TRPM1: variants seen among roughly 807,000 people sequenced by gnomAD.
TRPM1 encodes transient receptor potential cation channel subfamily M member 1.
A neutral mutation model predicts 149.4 loss-of-function variants in TRPM1; 113 were observed. That is an observed-to-expected ratio of 0.76 (90% confidence interval 0.65 to 0.88). TRPM1 has a LOEUF of 0.88. Among genes scored for constraint, TRPM1 ranks in the 40% least tolerant of loss-of-function variants. The probability of loss-of-function intolerance (pLI) is 0.00; values close to 1 mark genes in which losing one functional copy is unlikely to be tolerated. For synonymous variants in TRPM1, 741 were observed against 759.5 expected, an observed-to-expected ratio of 0.98 and a Z score of 0.40; for missense variants, 1,976 against 2,038.7, an observed-to-expected ratio of 0.97 and a Z score of 0.59.
At position 31,032,811 on chromosome 15, in the gene TRPM1, G is replaced by A. The variant is rs1177536797; in HGVS notation, c.2830C>T (p.Pro944Ser). The A allele has an allele frequency of 6.2e-7, 1 of 1,614,180 alleles. No homozygotes were observed. Among genetic ancestry groups the A allele is most frequent in the Non-Finnish European group, 8.5e-7 (1 of 1,180,040 alleles). ...ATCACCCGGCCATAGCCCATGTAGG[G>A]CTGGTTCTGTAGGCGAAGAATTGCT... ...IGAILRLQNQ[P>S]YMGYGRVIYC... The change falls in exon 22 of 28, where the codon CCC (proline) becomes TCC (serine). Residue 944 changes from proline to serine, a missense_variant. This residue lies in a region of TRPM1 where 1,332 missense variants were observed against 1,347.1 expected (regional missense o/e 0.99). Transcript: ENST00000256552.
intron 1 of TRPM1, among the ~76,000 whole-genome samples, chr15:31,121,879 A>G (rs2035886242): frequency 6.6e-6 from 1 of 152,202 alleles, no homozygotes; most frequent in Non-Finnish European, 1.5e-5. Context: ...AAAAGAAACT[A>G]TAGCCAATAT....
At position 31,027,063 on chromosome 15, in the gene TRPM1, T is replaced by C. The variant is rs898280551; in HGVS notation, c.3348A>G (p.Arg1116=). Residue 1116 remains arginine (R), a synonymous_variant, in exon 26 of 28, where the codon CGA becomes CGG. Transcript: ENST00000256552. The stretch of plus-strand genomic sequence containing the variant: ...CATGAAATGTCATAATCAGCTGATA[T>C]CGCTGGAACTTCCACACCTGGTTGG... The part of the protein sequence containing the change: ...SISNQVWKFQ[R]YQLIMTFHDR... 3.7e-6 allele frequency: 6 copies of C among 1,614,102 alleles called. No individual in the cohort carries two copies. The African/African-American group carries it at 6.7e-5, about 18-fold the overall frequency.
In TRPM1 at chr15:31,031,079, G is replaced by T. The variant is rs2140909189; in HGVS notation, c.3031C>A (p.His1011Asn). The change falls in exon 23 of 28, where the codon CAT becomes AAT. Residue 1011 changes from histidine to asparagine, a missense_variant. His to Asn is a moderately conservative substitution (Grantham distance 68). Transcript: ENST00000256552. ...TTCCAAGAGGGCTTCTCCTCTGGATGCAGAATGGCTTGACGGGCTACTCCG... is the reference window on the plus strand; with the variant it reads ...TTCCAAGAGGGCTTCTCCTCTGGATTCAGAATGGCTTGACGGGCTACTCCG... The part of the protein sequence containing the change: ...SFGVARQAIL[H>N]PEEKPSWKLA... The T allele has an allele frequency of 6.2e-7, 1 of 1,614,182 alleles. No homozygotes were observed. Among genetic ancestry groups the T allele is most frequent in the Non-Finnish European group, 8.5e-7 (1 of 1,180,018 alleles).
rs200626726 is a variant in TRPM1, at chr15:31,001,919, T to G, written c.4781A>C (p.His1594Pro). The G allele has an allele frequency of 6.2e-7, 1 of 1,614,210 alleles. No homozygotes were observed. The highest frequency in any genetic ancestry group is 1.6e-4 in the Middle Eastern group (1 of 6,062). Residue 1594 changes from histidine (H) to proline (P), a missense_variant, in exon 28 of 28, where the codon CAT (histidine) becomes CCT (proline). By Grantham distance (77) the His-to-Pro change is moderately conservative (BLOSUM62 -2). Transcript: ENST00000256552. ...SIQGKLDRSG[H>P]ASSVSSLVIV... is the part of the protein sequence containing the mutation. ...TACTAAGCTGCTTACACTACTGGCA[T>G]GTCCAGATCTGTCTAACTTTCCCTG...
At chr15:31,084,676 CTTTTT>C (rs59470983) in intron 1 of TRPM1, among the ~76,000 whole-genome samples, 2 of 128,486 alleles carry the variant, frequency 1.6e-5, no homozygotes, top group African/African-American at 6.0e-5. Context: ...TTTTTCTTTT[CTTTTT>C]TTTTTTTTTT....
chr15:31,071,957 C>A (rs2034551395), intron 3 of TRPM1, among the ~76,000 whole-genome samples: 1 of 88,718 alleles, frequency 1.1e-5, no homozygotes, highest in African/African-American at 4.3e-5. Context: ...GAGTGAGACT[C>A]CGTCTCAAAA....
At chr15:31,026,094 G>C (rs765784319) in intron 27 of TRPM1, 45 bp downstream of exon 27, 14 of 1,606,516 alleles carry the variant, frequency 8.7e-6, no homozygotes, top group Non-Finnish European at 1.2e-5. Flanking sequence ...GCCCGAGTCA[G>C]CAAACCCTTG....
Position 31,099,937 on chromosome 15 carries a change from C to T in TRPM1, c.-84+1720G>A, listed in dbSNP as rs192024645. On this transcript the variant is annotated intron_variant, in intron 1 of 27. Coordinates refer to ENST00000256552, the MANE Select transcript of TRPM1 (RefSeq NM_001252024.2). ...GTGCACTCATAGAGAGGCAGGGCTC[C>T]GTTCTTAATTCCTCCCTAAATATCT... 2.8e-3 allele frequency among the ~76,000 whole-genome samples: 422 copies of T among 152,230 alleles called. 3 individuals are homozygous for T. Among genetic ancestry groups the T allele is most frequent in the African/African-American group, 9.8e-3 (407 of 41,548 alleles).
intron 1 of TRPM1, among the ~76,000 whole-genome samples, chr15:31,129,826 A>G (rs978544318): frequency 2.6e-5 from 4 of 152,218 alleles, no homozygotes; most frequent in African/African-American, 9.6e-5. Flanking sequence ...CCCACTGTGG[A>G]CCAATGGCCA....
At chr15:31,023,796 G>C (rs2032628319) in intron 27 of TRPM1, among the ~76,000 whole-genome samples, 1 of 152,194 alleles carries the variant, frequency 6.6e-6, no homozygotes, top group African/African-American at 2.4e-5. Context: ...TGGTAGGACT[G>C]ACCCAGTGTT....
At chr15:31,126,645 G>T (rs1265609144) in intron 1 of TRPM1, among the ~76,000 whole-genome samples, 1 of 152,156 alleles carries the variant, frequency 6.6e-6, no homozygotes, top group Non-Finnish European at 1.5e-5. Flanking sequence ...TTTGAGAAAT[G>T]GCTTGCTTTT....
chr15:31,126,979 C>CAAACAAACAAAT (rs2035959612), intron 1 of TRPM1, among the ~76,000 whole-genome samples: 1 of 151,942 alleles, frequency 6.6e-6, no homozygotes, highest in Non-Finnish European at 1.5e-5. Flanking sequence ...AACAAACAAA[C>CAAACAAACAAAT]AAACAAACAA....
In TRPM1 at chr15:31,092,061, C is replaced by T. The variant is rs576921911; in HGVS notation, c.-84+9596G>A. ...CCCCATAAAGTGGTCTAGGAGGGGC[C>T]GGGATGAGGGAGAAAGTTTTTCTCT... On this transcript the variant is annotated intron_variant, in intron 1 of 27. Coordinates refer to ENST00000256552, the MANE Select transcript of TRPM1 (RefSeq NM_001252024.2). Among the ~76,000 whole-genome samples the T allele has an allele frequency of 1.0e-4, 6 of 59,744 alleles. No individual in the cohort carries two copies. The South Asian group carries it at 2.3e-3, about 23-fold the overall frequency. 39.2% of individuals were successfully genotyped at this position (59,744 alleles called of 152,430 possible).
chr15:31,073,365 T>C (rs79379776), intron 3 of TRPM1, among the ~76,000 whole-genome samples: 191 of 152,288 alleles, frequency 1.3e-3, no homozygotes, highest in Non-Finnish European at 1.5e-3. Flanking sequence ...TTTGTCTATA[T>C]GTCTATCCTA....
intron 1 of TRPM1, among the ~76,000 whole-genome samples, chr15:31,116,340 G>A (rs909160488): frequency 3.3e-5 from 5 of 152,156 alleles, no homozygotes; most frequent in Non-Finnish European, 7.4e-5. Flanking sequence ...CGGCGCCGTG[G>A]CTCATGCCTG....
chr15:31,158,001 C>T (rs1341718078), intron 1 of TRPM1, among the ~76,000 whole-genome samples: 4 of 152,062 alleles, frequency 2.6e-5, no homozygotes, highest in South Asian at 2.1e-4. Context: ...TAGTGTGCAA[C>T]GAGATAGAAT....
At chr15:31,046,382 A>AATAT in intron 15 of TRPM1, 149 bp from the exon 16 acceptor site, 10 of 785,550 alleles carry the variant, frequency 1.3e-5, no homozygotes, top group Non-Finnish European at 1.7e-5. Context: ...CAAGGAAAAG[A>AATAT]AGTGCTTTAA....
Position 31,035,581 on chromosome 15 carries a change from A to T in TRPM1, c.2665T>A (p.Tyr889Asn). ...TTCTCTAACGCCAGGCTCACGATGT[A>T]GGAGATGACGATCCACTCCTGGAGG... ...PSLQEWIVIS[Y>N]IVSLALEKIR... Residue 889 changes from tyrosine to asparagine, a missense_variant, in exon 21 of 28, where the codon TAC (tyrosine) becomes AAC (asparagine). Physicochemically the swap from Tyr to Asn is moderately radical, Grantham distance 143. Transcript: ENST00000256552. 6.2e-7 allele frequency: 1 copy of T among 1,614,046 alleles called. No individual in the cohort carries two copies.
In TRPM1 at chr15:31,040,031, A is replaced by G; in HGVS notation, c.2316+87T>C. On this transcript the variant is annotated intron_variant, in intron 18 of 27. Transcript: ENST00000256552. This position sits in a 1 kb window ranked among gnomAD's most constrained non-coding sequence, Gnocchi z 4.2. ...GGGGTTGCTAGAAGGAATAAATGAA[A>G]TAAGCCACAGAAAGTGCTCAGTTCA... The G allele has an allele frequency of 5.9e-6, 7 of 1,186,568 alleles. No individual in the cohort carries two copies. The Admixed American group carries it at 1.2e-4, about 21-fold the overall frequency. 73.5% of individuals were successfully genotyped at this position (1,186,568 alleles called of 1,614,324 possible).
Sources: allele counts gnomAD v4.1 joint callset (sites outside exome capture counted in the v4.1 genomes callset), GRCh38; gene constraint gnomAD v4.1.1; regional missense constraint gnomAD v4.1.1; non-coding constraint Gnocchi (gnomAD v3.1); transcripts MANE v1.5; gene names NCBI Gene and HGNC (gene_info 2026-07-23, HGNC 2026-07-21).